CHID1: variants seen among roughly 807,000 people sequenced by gnomAD.
CHID1 encodes the protein chitinase domain containing 1.
Under a neutral mutation model 55.4 loss-of-function variants are expected in CHID1, and 44 were observed. The observed-to-expected ratio is 0.79, with a 90% CI of 0.62 to 1.02. CHID1 has a LOEUF of 1.02. Among genes scored for constraint, CHID1 ranks in the 50% least tolerant of loss-of-function variants. The probability of loss-of-function intolerance (pLI) is 0.00; values close to 1 mark genes in which losing one functional copy is unlikely to be tolerated. For missense variants in CHID1, 491 were observed against 515.3 expected, an observed-to-expected ratio of 0.95 and a Z score of 0.46; for synonymous variants, 216 against 212.9, an observed-to-expected ratio of 1.01 and a Z score of -0.13.
At chr11:891,254 C>T (rs532950325) in intron 8 of CHID1, among the ~76,000 whole-genome samples, 1 of 152,248 alleles carries the variant, frequency 6.6e-6, no homozygotes, top group South Asian at 2.1e-4. Flanking sequence ...CAGCAGTGCC[C>T]AGCCCTCCCC....
At chr11:901,869 A>G (rs192987510) in intron 4 of CHID1, among the ~76,000 whole-genome samples, 17 of 152,010 alleles carry the variant, frequency 1.1e-4, no homozygotes, top group African/African-American at 4.1e-4. Flanking sequence ...ACCAGCCCAC[A>G]CCATGGGCCT....
intron 7 of CHID1, among the ~76,000 whole-genome samples, chr11:895,809 T>C (rs1030972361): frequency 6.6e-6 from 1 of 152,048 alleles, no homozygotes; most frequent in African/African-American, 2.4e-5. Context: ...GGCAGCAGAA[T>C]GCCCAAAGGA....
rs185425645 is a variant in CHID1 at position 890,781 on chromosome 11, C to T, written c.701+2646G>A. Reference sequence around the variant, plus strand: ...GACTGTGGGAGCAGGGCTGGAGGTCCGCAGAGTGCTCAGTTCCAGGACCAG... The same window carrying T: ...GACTGTGGGAGCAGGGCTGGAGGTCTGCAGAGTGCTCAGTTCCAGGACCAG... On this transcript the variant is annotated intron_variant, in intron 8 of 12. Coordinates refer to ENST00000323578, the MANE Select transcript of CHID1 (RefSeq NM_023947.4). Among the ~76,000 whole-genome samples the T allele has an allele frequency of 2.0e-3, 309 of 152,270 alleles. 2 individuals carry two copies. Among genetic ancestry groups the T allele is most frequent in the Non-Finnish European group, 3.8e-3 (261 of 68,010 alleles).
intron 8 of CHID1, among the ~76,000 whole-genome samples, chr11:890,533 C>A (rs977348999): frequency 6.6e-6 from 1 of 152,212 alleles, no homozygotes; most frequent in Non-Finnish European, 1.5e-5. Flanking sequence ...AGGAAACCAG[C>A]CCTTCCTGGG....
At chr11:870,276 G>T in intron 11 of CHID1, 113 bp from the exon 12 acceptor site, 3 of 1,455,768 alleles carry the variant, frequency 2.1e-6, no homozygotes, top group Non-Finnish European at 1.9e-6. Flanking sequence ...GCCACCTGCT[G>T]TCCAGCTGTG....
chr11:899,694 C>T (rs1485688504), intron 6 of CHID1, among the ~76,000 whole-genome samples: 1 of 152,250 alleles, frequency 6.6e-6, no homozygotes, highest in Non-Finnish European at 1.5e-5. Context: ...CCCAGGCATA[C>T]TGGCAGCCAG....
upstream of CHID1, among the ~76,000 whole-genome samples, chr11:912,222 G>A (rs1282064405): frequency 1.3e-5 from 2 of 152,204 alleles, no homozygotes; most frequent in Admixed American, 6.5e-5. Flanking sequence ...GGAGGCTGGG[G>A]CAGGAGAATT....
At chr11:900,593 ACCCTCAGGCCAAGCCCAGG>A (rs1356951743) in intron 5 of CHID1, among the ~76,000 whole-genome samples, 1 of 152,058 alleles carries the variant, frequency 6.6e-6, no homozygotes, top group Non-Finnish European at 1.5e-5. Flanking sequence ...GGTCAGCATC[ACCCTCAGGCCAAGCCCAGG>A]GCTTGGCCCC....
At chr11:879,434 A>T (rs531150651) in intron 10 of CHID1, among the ~76,000 whole-genome samples, 8 of 38,784 alleles carry the variant, frequency 2.1e-4, no homozygotes, top group African/African-American at 1.1e-3. Flanking sequence ...ATGCAACATG[A>T]CTGGTGTCTT....
chr11:904,933 G>A, intron 1 of CHID1, 74 bp from the exon 2 acceptor site: 2 of 1,510,594 alleles, frequency 1.3e-6, no homozygotes, highest in Non-Finnish European at 1.8e-6. Context: ...CTGCTGATGG[G>A]GCCACTTTCT....
intron 9 of CHID1, among the ~76,000 whole-genome samples, chr11:883,728 T>A (rs1850175214): frequency 6.6e-6 from 1 of 152,194 alleles, no homozygotes; most frequent in South Asian, 2.1e-4. Flanking sequence ...CTTCCTGAGG[T>A]CTCCCTGCCT....
chr11:910,964 G>C (rs1342766517), upstream of CHID1: 1 of 320,060 alleles, frequency 3.1e-6, no homozygotes, highest in African/African-American at 2.3e-5. Flanking sequence ...GCCGGGGCCG[G>C]GGCGGGGCCG....
chr11:899,970 G>A (rs762953708), intron 6 of CHID1, 34 bp downstream of exon 6: 5 of 1,540,344 alleles, frequency 3.2e-6, no homozygotes, highest in African/African-American at 2.7e-5. Flanking sequence ...CCGGGGGGCT[G>A]TGCTCAGAGG....
At chr11:876,914 C>A (rs1177358246) in intron 10 of CHID1, among the ~76,000 whole-genome samples, 1 of 152,206 alleles carries the variant, frequency 6.6e-6, no homozygotes, top group Non-Finnish European at 1.5e-5. Context: ...AGACCCAGAT[C>A]TCCCTATGGC....
chr11:912,270 A>T (rs566792580), upstream of CHID1, among the ~76,000 whole-genome samples: 1 of 152,254 alleles, frequency 6.6e-6, no homozygotes, highest in East Asian at 1.9e-4. Flanking sequence ...GTGAGCAGAG[A>T]TCACACTGCA....
chr11:896,412 A>G (rs1187109393), intron 7 of CHID1, among the ~76,000 whole-genome samples: 1 of 121,026 alleles, frequency 8.3e-6, no homozygotes, highest in Non-Finnish European at 1.7e-5. Context: ...CCTCCAATCC[A>G]GACACAACGA....
In CHID1 at chr11:903,266, G is replaced by C. The variant is rs540700470; in HGVS notation, c.112-155C>G. Among the ~76,000 whole-genome samples, 349 of 152,314 alleles carry C rather than the reference G, an allele frequency of 2.3e-3. 1 individual carries two copies. Among genetic ancestry groups the C allele is most frequent in the African/African-American group, 8.0e-3 (334 of 41,556 alleles). ...GGAGACCCTGTATGTTGAGGATCGA[G>C]GCCACAGCAGGCAATTCAATTCAGA... On this transcript the variant is annotated intron_variant, in intron 2 of 12. Transcript: ENST00000323578.
At chr11:890,673 AC>A (rs145536670) in intron 8 of CHID1, among the ~76,000 whole-genome samples, 2,037 of 152,306 alleles carry the variant, frequency 0.013, 39 homozygotes, top group African/African-American at 0.045. Flanking sequence ...CCACATGGGC[AC>A]CTGGGGACAG....
At chr11:890,847 G>C (rs1362680375) in intron 8 of CHID1, among the ~76,000 whole-genome samples, 1 of 152,180 alleles carries the variant, frequency 6.6e-6, no homozygotes, top group African/African-American at 2.4e-5. Flanking sequence ...GGCTGCCTCT[G>C]TCTGCTGACG....
Sources: allele counts gnomAD v4.1 joint callset (sites outside exome capture counted in the v4.1 genomes callset), GRCh38; gene constraint gnomAD v4.1.1; transcripts MANE v1.5; gene names NCBI Gene and HGNC (gene_info 2026-07-23, HGNC 2026-07-21).